Variants in MSI2 observed in about 807,000 individuals in gnomAD.
MSI2 encodes musashi RNA binding protein 2.
A neutral mutation model predicts 45.6 loss-of-function variants in MSI2; 17 were observed. The observed-to-expected ratio is 0.37, with a 90% CI of 0.26 to 0.56. The LOEUF is 0.56. Ranked by LOEUF, MSI2 falls within the 20% of genes least tolerant of loss-of-function variation. The pLI, the probability that MSI2 is intolerant of heterozygous loss-of-function variation, is 0.77. For synonymous variants in MSI2, 156 were observed against 158.2 expected (o/e 0.99, Z 0.11); for missense variants, 293 against 444.2 (o/e 0.66, Z 3.06).
At chr17:57,452,113 C>G (rs758816766) in intron 6 of MSI2, among the ~76,000 whole-genome samples, 5 of 152,216 alleles carry the variant, frequency 3.3e-5, no homozygotes, top group Non-Finnish European at 5.9e-5. Flanking sequence ...ACCCTCATCC[C>G]TCAGGCTCCA....
chr17:57,679,685 G>T lies in MSI2; in HGVS notation c.*168G>T. 1 of 830,070 alleles carries T rather than the reference G, an allele frequency of 1.2e-6. No homozygotes were observed. Among genetic ancestry groups the T allele is most frequent in the Non-Finnish European group, 1.5e-6 (1 of 664,062 alleles). The allele number at this position is 830,070 out of a possible 1,614,324, so 51.4% of individuals were successfully genotyped here. A position where few individuals can be genotyped will look rare whatever the true frequency, so the allele number is the denominator to read the frequency against. On this transcript the variant is annotated 3_prime_UTR_variant, in exon 14 of 14. Transcript: ENST00000284073. ...GATGGCTCACTTCGGATCGAGGGTT[G>T]ACTACATCTCATCATCTCACGAATC...
chr17:57,388,978 CTTCTTTT>C (rs1457374315), intron 5 of MSI2, among the ~76,000 whole-genome samples: 1 of 127,598 alleles, frequency 7.8e-6, no homozygotes, highest in Non-Finnish European at 1.7e-5. Context: ...TCTTCTTCTT[CTTCTTTT>C]TTTTTTTTTT....
At position 57,368,275 on chromosome 17, in the gene MSI2, C is replaced by T. The variant is rs533326507; in HGVS notation, c.313-33104C>T. Among the ~76,000 whole-genome samples, 8 of 152,212 alleles carry T rather than the reference C, an allele frequency of 5.3e-5. No individual in the cohort carries two copies. The South Asian group carries it at 1.0e-3, about 20-fold the overall frequency. ...TAAAAATGTCTCAATTTTGGCTGAG[C>T]GTGGTGGCTCATGCACTTTGGGAGG... On this transcript the variant is annotated intron_variant, in intron 5 of 13. Coordinates refer to ENST00000284073, the MANE Select transcript of MSI2 (RefSeq NM_138962.4).
At chr17:57,261,328 G>T (rs1907284849) in intron 4 of MSI2, among the ~76,000 whole-genome samples, 1 of 151,932 alleles carries the variant, frequency 6.6e-6, no homozygotes, top group East Asian at 1.9e-4. Context: ...TGTTGCACTA[G>T]ATTCTGACTA....
intron 5 of MSI2, among the ~76,000 whole-genome samples, chr17:57,327,584 G>A (rs1913906815): frequency 6.6e-6 from 1 of 152,212 alleles, no homozygotes; most frequent in South Asian, 2.1e-4. Flanking sequence ...GGCATCAAGG[G>A]ATAATGTGGT....
At chr17:57,454,646 A>C (rs1290774914) in intron 6 of MSI2, among the ~76,000 whole-genome samples, 3 of 152,084 alleles carry the variant, frequency 2.0e-5, no homozygotes, top group Non-Finnish European at 2.9e-5. Context: ...TATGTTGGCC[A>C]GCATGGTCTC....
At position 57,552,370 on chromosome 17, in the gene MSI2, C is replaced by A. The variant is rs2087327076; in HGVS notation, c.454+22646C>A. Among the ~76,000 whole-genome samples the A allele has an allele frequency of 6.6e-6, 1 of 152,158 alleles. No individual in the cohort carries two copies. The highest frequency in any genetic ancestry group is 1.5e-5 in the Non-Finnish European group (1 of 68,026). The stretch of plus-strand genomic sequence containing the variant: ...GCTGCTTGTCTCTGATTATGGAGAC[C>A]AGCCAGCACCCCCCAACCCAGCCCC... On this transcript the variant is annotated intron_variant, in intron 7 of 13. Transcript: ENST00000284073. The surrounding 1 kb of genome is among the most constrained non-coding windows in gnomAD (Gnocchi z 4.3).
Position 57,464,233 on chromosome 17 carries a change from A to C in MSI2, c.405+62762A>C, listed in dbSNP as rs1262418909. 3.3e-5 allele frequency among the ~76,000 whole-genome samples: 5 copies of C among 152,160 alleles called. No homozygotes were observed. In the East Asian group the frequency reaches 9.7e-4, roughly 29 times the overall value. ...TGAGGCAGATGGATCACTTGAGCCC[A>C]GGAGTTTGGGGCCAGCCTGAGCAAC... On this transcript the variant is annotated intron_variant, in intron 6 of 13. Transcript: ENST00000284073.
intron 7 of MSI2, among the ~76,000 whole-genome samples, chr17:57,566,822 C>T (rs1314569430): frequency 1.3e-5 from 2 of 152,126 alleles, no homozygotes; most frequent in Non-Finnish European, 2.9e-5. Context: ...TTCAGAGGCG[C>T]ACCAAGGGCC....
At chr17:57,569,863 G>A (rs2087829930) in intron 7 of MSI2, among the ~76,000 whole-genome samples, 1 of 152,156 alleles carries the variant, frequency 6.6e-6, no homozygotes, top group Non-Finnish European at 1.5e-5. Flanking sequence ...GAATTTTAGG[G>A]TGCAGTGCAG....
the MSI2 span, among the ~76,000 whole-genome samples, chr17:57,698,958 T>A: frequency 7.5e-6 from 1 of 133,890 alleles, no homozygotes; most frequent in African/African-American, 2.8e-5. Flanking sequence ...AGAAAGGTCT[T>A]ACCAATGCAC....
chr17:57,257,437 C>T (rs376192730), intron 2 of MSI2, 29 bp from the exon 3 acceptor site: 35 of 1,182,226 alleles, frequency 3.0e-5, no homozygotes, highest in South Asian at 7.9e-5. Flanking sequence ...TTCTCTCCCC[C>T]CCCCATCTCT....
chr17:57,635,902 C>T (rs1909798944), intron 10 of MSI2, among the ~76,000 whole-genome samples: 2 of 152,234 alleles, frequency 1.3e-5, no homozygotes, highest in African/African-American at 4.8e-5. Context: ...GAAGGACTCA[C>T]GGCCTGTCTG....
intron 7 of MSI2, among the ~76,000 whole-genome samples, chr17:57,592,096 T>G (rs1173730433): frequency 6.7e-6 from 1 of 148,704 alleles, no homozygotes; most frequent in Non-Finnish European, 1.5e-5. Flanking sequence ...CGCATGAGCC[T>G]GGGAAGTGGA....
intron 7 of MSI2, among the ~76,000 whole-genome samples, chr17:57,585,082 T>C (rs2088310290): frequency 6.6e-6 from 1 of 152,072 alleles, no homozygotes; most frequent in Non-Finnish European, 1.5e-5. Context: ...CCTCCCAAAG[T>C]GCTAGGATTA....
At chr17:57,621,150 C>A (rs555094725) in intron 9 of MSI2, among the ~76,000 whole-genome samples, 31 of 152,328 alleles carry the variant, frequency 2.0e-4, no homozygotes, top group African/African-American at 7.2e-4. Context: ...AGAGTCAAAT[C>A]TTTTGGTAGC....
intron 7 of MSI2, among the ~76,000 whole-genome samples, chr17:57,589,614 C>G (rs2144412011): frequency 6.6e-6 from 1 of 152,344 alleles, no homozygotes; most frequent in South Asian, 2.1e-4. Context: ...TGTGACGATG[C>G]AAGCACACCA....
In MSI2 at chr17:57,256,583, C is replaced by G. The variant is rs1355895607; in HGVS notation, c.-160C>G. The G allele has an allele frequency of 1.3e-5, 5 of 385,916 alleles. No homozygotes were observed. The highest frequency in any genetic ancestry group is 2.2e-5 in the Non-Finnish European group (5 of 225,910). 23.9% of individuals were successfully genotyped at this position (385,916 alleles called of 1,614,324 possible). On this transcript the variant is annotated 5_prime_UTR_variant, in exon 1 of 14. Coordinates refer to ENST00000284073, the MANE Select transcript of MSI2 (RefSeq NM_138962.4). ...CGTGTGACGGCTCTCGCCGCTGCCC[C>G]GGCTCCGCCGCTCGCAGAGAGATTC...
chr17:57,319,707 G>A (rs541223140), intron 5 of MSI2, among the ~76,000 whole-genome samples: 3 of 152,174 alleles, frequency 2.0e-5, no homozygotes, highest in Non-Finnish European at 4.4e-5. Flanking sequence ...CGACTTCTGG[G>A]GCTTGAGCGA....
Sources: gnomAD v4.1 joint callset for allele counts (sites outside exome capture counted in the v4.1 genomes callset) on GRCh38, gnomAD v4.1.1 for gene constraint, Gnocchi (gnomAD v3.1) non-coding constraint, MANE v1.5 for transcripts, NCBI Gene and HGNC (gene_info 2026-07-23, HGNC 2026-07-21) for gene names.